The following TBL2 variants were observed in gnomAD, a reference collection of about 807,000 sequenced individuals.
The protein encoded by TBL2 is transducin beta like 2.
A neutral mutation model predicts 41.8 loss-of-function variants in TBL2; 33 were observed. The ratio of observed to expected loss-of-function variants is 0.79; its 90% CI spans 0.60 to 1.06. The LOEUF is 1.06. Among genes scored for constraint, TBL2 ranks in the 50% least tolerant of loss-of-function variants. The pLI is 0.00. For missense variants in TBL2, 522 were observed against 603.8 expected, an observed-to-expected ratio of 0.86 and a Z score of 1.42; for synonymous variants, 239 against 241.7, an observed-to-expected ratio of 0.99 and a Z score of 0.10.
rs782715063 is a variant in TBL2 at position 73,570,929 on chromosome 7, T to C, written c.922A>G (p.Thr308Ala). The C allele has an allele frequency of 5.6e-6, 9 of 1,612,302 alleles. No individual in the cohort carries two copies. In the South Asian group the frequency reaches 9.9e-5, roughly 18 times the overall value. Residue 308 changes from threonine (T) to alanine (A), a missense_variant, in exon 7 of 7, where the codon ACA becomes GCA. Physicochemically the swap from Thr to Ala is moderately conservative, Grantham distance 58. Transcript: ENST00000305632. ...TGCTTCTTCTTGTATTCCACATCTG[T>C]GTCCCACAGTTTCCATGTACCATCC... ...SKDGTWKLWD[T>A]DVEYKKKQDP...
rs1244558633 is a variant in TBL2, at chr7:73,568,668, A to C, written c.*1839T>G. Among the ~76,000 whole-genome samples, 1 of 152,212 alleles carries C rather than the reference A, an allele frequency of 6.6e-6. No individual in the cohort carries two copies. Among genetic ancestry groups the C allele is most frequent in the Non-Finnish European group, 1.5e-5 (1 of 68,038 alleles). On this transcript the variant is annotated 3_prime_UTR_variant, in exon 7 of 7. Coordinates refer to ENST00000305632, the MANE Select transcript of TBL2 (RefSeq NM_012453.4). ...GCTAGGCACGATGGCTCACACCTGT[A>C]ATCCCAGCACTTGGGGAGGCCAAGG...
chr7:73,574,693 G>T, intron 1 of TBL2, 180 bp from the exon 2 acceptor site: 2 of 774,264 alleles, frequency 2.6e-6, no homozygotes, highest in Non-Finnish European at 2.1e-6. Context: ...GGGTATGGTG[G>T]CTCATGCCTG....
chr7:73,575,691 C>G (rs1554588784), intron 1 of TBL2, among the ~76,000 whole-genome samples: 2 of 152,210 alleles, frequency 1.3e-5, no homozygotes, highest in African/African-American at 4.8e-5. Context: ...CTTGGCCTCC[C>G]AAAGTGCTGG....
In TBL2 at chr7:73,567,683, A is replaced by G. The variant is rs1360663219; in HGVS notation, c.*2824T>C. ...CCTTGGTGGCCTCTGCTCTATGTTA[A>G]TATCCAGACACCTTCTCTGTGGTTA... On this transcript the variant is annotated 3_prime_UTR_variant, in exon 7 of 7. Coordinates refer to ENST00000305632, the MANE Select transcript of TBL2 (RefSeq NM_012453.4). Among the ~76,000 whole-genome samples the G allele has an allele frequency of 3.3e-5, 5 of 152,170 alleles. No homozygotes were observed. Among genetic ancestry groups the G allele is most frequent in the Non-Finnish European group, 7.3e-5 (5 of 68,028 alleles).
In TBL2 at chr7:73,574,514, C is replaced by G; in HGVS notation, c.131-1G>C. On this transcript the variant is annotated splice_acceptor_variant, in intron 1 of 6. Transcript: ENST00000305632. LOFTEE classifies it high-confidence loss of function. The stretch of plus-strand genomic sequence containing the variant: ...GGTGGAAATCCATTTGCTTTTTGGC[C>G]TATAAGGAAGGGCCATGTTGTTCTC... 1 of 1,614,172 alleles carries G rather than the reference C, an allele frequency of 6.2e-7. No homozygotes were observed. The highest frequency in any genetic ancestry group is 8.5e-7 in the Non-Finnish European group (1 of 1,180,036).
chr7:73,569,264 T>A lies in TBL2; in HGVS notation c.*1243A>T, dbSNP rs1204426028. The A allele has an allele frequency of 1.3e-5, 2 of 152,076 alleles. No individual in the cohort carries two copies. Among genetic ancestry groups the A allele is most frequent in the Admixed American group, 6.6e-5 (1 of 15,244 alleles). The allele number at this position is 152,076 out of a possible 1,614,324, so 9.4% of individuals were successfully genotyped here. ...AGCTGTGGTGGTGGGACAGAAGGGA[T>A]AATGAATGGGGAGTCATCAAGGATA... On this transcript the variant is annotated 3_prime_UTR_variant, in exon 7 of 7. Coordinates refer to ENST00000305632, the MANE Select transcript of TBL2 (RefSeq NM_012453.4).
intron 1 of TBL2, among the ~76,000 whole-genome samples, chr7:73,577,264 CAAAAAAA>C (rs34760825): frequency 4.1e-5 from 4 of 98,116 alleles, no homozygotes; most frequent in Non-Finnish European, 5.7e-5. Flanking sequence ...CGTCCCCCTG[CAAAAAAA>C]AAAAAAAAAA....
At position 73,573,078 on chromosome 7, in the gene TBL2, C is replaced by A. The variant is rs571609916; in HGVS notation, c.599-108G>T. The A allele has an allele frequency of 8.5e-5, 129 of 1,517,620 alleles. 2 individuals carry two copies. In the South Asian group the frequency reaches 1.6e-3, roughly 18 times the overall value. The allele number at this position is 1,517,620 out of a possible 1,614,324, so 94.0% of individuals were successfully genotyped here. A position where few individuals can be genotyped will look rare whatever the true frequency, so the allele number is the denominator to read the frequency against. On this transcript the variant is annotated intron_variant, in intron 4 of 6. Transcript: ENST00000305632. ...TGCCCGAAGTATACATGTCTCCTCC[C>A]AGGCCAAGGGTCACTACAGATAAGG... is the stretch of plus-strand genomic sequence containing the variant.
chr7:73,571,360 G>A lies in TBL2; in HGVS notation c.726-19C>T. 1 of 1,614,042 alleles carries A rather than the reference G, an allele frequency of 6.2e-7. No individual in the cohort carries two copies. ...TACAAATCTGCCATACAACCCAGAA[G>A]CCTTTAAAACTTCATTTTCGGAGCA... On this transcript the variant is annotated intron_variant, in intron 5 of 6. Transcript: ENST00000305632.
In TBL2 at chr7:73,578,545, T is replaced by C; in HGVS notation, c.5A>G (p.Glu2Gly). 2 of 1,587,424 alleles carry C rather than the reference T, an allele frequency of 1.3e-6. No homozygotes were observed. Among genetic ancestry groups the C allele is most frequent in the Non-Finnish European group, 1.7e-6 (2 of 1,168,740 alleles). Residue 2 changes from glutamate (E) to glycine (G), a missense_variant, in exon 1 of 7, where the codon GAG (glutamate) becomes GGG (glycine). Physicochemically the swap from Glu to Gly is moderately conservative, Grantham distance 98. Coordinates refer to ENST00000305632, the MANE Select transcript of TBL2 (RefSeq NM_012453.4). ...CATGAGCTCCGACATCTGCGAGAGC[T>C]CCATGTTGGTGGAACCACTGCCACC... M[E>G]LSQMSELMGL... is the part of the protein sequence containing the mutation.
intron 1 of TBL2, among the ~76,000 whole-genome samples, chr7:73,577,239 G>A (rs1405141359): frequency 3.1e-5 from 4 of 130,020 alleles, no homozygotes; most frequent in South Asian, 4.9e-4. Flanking sequence ...CAGATTGGGC[G>A]ACAGAGCAAA....
intron 5 of TBL2, 112 bp from the exon 6 acceptor site, chr7:73,571,453 T>G: frequency 6.8e-7 from 1 of 1,465,232 alleles, no homozygotes; most frequent in Non-Finnish European, 9.2e-7. Flanking sequence ...CTGGATAATA[T>G]AAACCTTTAA....
intron 1 of TBL2, among the ~76,000 whole-genome samples, chr7:73,577,403 CCGT>C (rs781966198): frequency 1.2e-4 from 18 of 151,652 alleles, no homozygotes; most frequent in Non-Finnish European, 2.4e-4. Flanking sequence ...TGGCGAAACC[CCGT>C]CTACTAAATA....
rs879963502 is a variant in TBL2 at position 73,571,089 on chromosome 7, C to A, written c.878+100G>T. 4.4e-6 allele frequency: 7 copies of A among 1,587,554 alleles called. No homozygotes were observed. The South Asian group carries it at 6.8e-5, about 16-fold the overall frequency. ...TCAGCTTCCTGCCGAGGGCCAGGCA[C>A]CCCACCCTCTTCAGAGCCATGGCAC... On this transcript the variant is annotated intron_variant, in intron 6 of 6. Coordinates refer to ENST00000305632, the MANE Select transcript of TBL2 (RefSeq NM_012453.4).
At chr7:73,572,455 CAAACAAA>C (rs1554587816) in intron 5 of TBL2, among the ~76,000 whole-genome samples, 1 of 152,048 alleles carries the variant, frequency 6.6e-6, no homozygotes. Flanking sequence ...AACAAACAAA[CAAACAAA>C]AAACAAAAAT....
Position 73,573,447 on chromosome 7 carries a change from G to A in TBL2, c.471C>T (p.Asn157=), listed in dbSNP as rs782494800. 3.7e-6 allele frequency: 6 copies of A among 1,613,878 alleles called. No homozygotes were observed. Among genetic ancestry groups the A allele is most frequent in the Non-Finnish European group, 4.2e-6 (5 of 1,180,002 alleles). The change falls in exon 4 of 7, where the codon AAC becomes AAT. Residue 157 remains asparagine (N), a synonymous_variant. Coordinates refer to ENST00000305632, the MANE Select transcript of TBL2 (RefSeq NM_012453.4). ...TCTTGAAGACACGGAGGGTGTCCCC[G>A]TTGGCCAGCCAGACGATGAAGGCTC... ...DCRAFIVWLA[N]GDTLRVFKMT...
intron 1 of TBL2, among the ~76,000 whole-genome samples, chr7:73,576,017 G>T (rs555259780): frequency 6.6e-6 from 1 of 152,112 alleles, no homozygotes; most frequent in Non-Finnish European, 1.5e-5. Context: ...AGGCGACAGA[G>T]TGAGATTCTG....
At chr7:73,571,409 A>G in intron 5 of TBL2, 68 bp from the exon 6 acceptor site, 2 of 1,589,348 alleles carry the variant, frequency 1.3e-6, no homozygotes, top group Non-Finnish European at 1.7e-6. Context: ...AAACCCCTCA[A>G]TCTCTTTCCT....
At chr7:73,576,434 C>T (rs1413171992) in intron 1 of TBL2, 2 of 328,510 alleles carry the variant, frequency 6.1e-6, no homozygotes, top group East Asian at 7.7e-5. Flanking sequence ...GGCGTGGTGG[C>T]AGGCGCCTGT....
Sources: allele counts gnomAD v4.1 joint callset (sites outside exome capture counted in the v4.1 genomes callset), GRCh38; gene constraint gnomAD v4.1.1; transcripts MANE v1.5; gene names NCBI Gene and HGNC (gene_info 2026-07-23, HGNC 2026-07-21).